JARID2: variants seen among roughly 807,000 people sequenced by gnomAD.
The protein encoded by JARID2 is jumonji and AT-rich interaction domain containing 2, also known as protein Jumonji.
A neutral mutation model predicts 125.6 loss-of-function variants in JARID2; 21 were observed. The ratio of observed to expected loss-of-function variants is 0.17; its 90% CI spans 0.12 to 0.24. JARID2 has a LOEUF of 0.24. Among genes scored for constraint, JARID2 ranks in the 10% least tolerant of loss-of-function variants. JARID2 has a pLI of 1.00. For synonymous variants in JARID2, 736 were observed against 661.6 expected (o/e 1.11, Z -1.73); for missense variants, 1,303 against 1,639.6 (o/e 0.79, Z 3.55).
At chr6:15,387,657 A>G (rs569067015) in intron 2 of JARID2, among the ~76,000 whole-genome samples, 2 of 152,316 alleles carry the variant, frequency 1.3e-5, no homozygotes, top group African/African-American at 4.8e-5. Context: ...TGTAGATTAA[A>G]TTAAACTCCA....
intron 3 of JARID2, among the ~76,000 whole-genome samples, chr6:15,438,021 A>G (rs1047245219): frequency 2.0e-5 from 3 of 152,150 alleles, no homozygotes; most frequent in African/African-American, 7.2e-5. Flanking sequence ...ACACAGGTTT[A>G]ATGTCTTGGG....
At chr6:15,395,789 C>T (rs772436654) in intron 2 of JARID2, among the ~76,000 whole-genome samples, 8 of 151,814 alleles carry the variant, frequency 5.3e-5, no homozygotes, top group South Asian at 2.1e-4. Flanking sequence ...CTCAGCCTCC[C>T]GAGTAGCTGG....
At chr6:15,382,786 G>C (rs1457511306) in intron 2 of JARID2, among the ~76,000 whole-genome samples, 3 of 152,218 alleles carry the variant, frequency 2.0e-5, no homozygotes, top group Non-Finnish European at 2.9e-5. Context: ...GAATGGAGGT[G>C]CCTGAGGAGG....
In JARID2 at chr6:15,487,514, A is replaced by G. The variant is rs1581632969; in HGVS notation, c.878A>G (p.His293Arg). The change falls in exon 6 of 18, where the codon CAT becomes CGT. Residue 293 changes from histidine (H) to arginine (R), a missense_variant. Physicochemically the swap from His to Arg is conservative, Grantham distance 29. This residue lies in a region of JARID2 where 651 missense variants were observed against 581.6 expected (regional missense o/e 1.12). Transcript: ENST00000341776. ...LAATHHHPPL[H>R]RSAQDLRKQV... is the part of the protein sequence containing the mutation. ...GCCACCCATCACCACCCCCCTCTGC[A>G]TCGGTCGGCTCAGGACTTACGGAAA... The G allele has an allele frequency of 6.2e-7, 1 of 1,613,588 alleles. No individual in the cohort carries two copies. Among genetic ancestry groups the G allele is most frequent in the Non-Finnish European group, 8.5e-7 (1 of 1,179,668 alleles).
intron 1 of JARID2, chr6:15,248,921 C>T: frequency 4.1e-6 from 4 of 985,806 alleles, no homozygotes; most frequent in Non-Finnish European, 3.6e-6. Flanking sequence ...GGAAGATGCG[C>T]TCGGCCTCTG....
At position 15,267,254 on chromosome 6, in the gene JARID2, A is replaced by G. The variant is rs112917988; in HGVS notation, c.45+20670A>G. 6.9e-3 allele frequency among the ~76,000 whole-genome samples: 1,050 copies of G among 152,320 alleles called. 5 individuals carry two copies. Among genetic ancestry groups the G allele is most frequent in the Non-Finnish European group, 0.012 (822 of 68,032 alleles). ...TCTCCTAAACTATTCTCCCACTCCC[A>G]TGAAAAAGAAAATCTTAAAGCGGCT... On this transcript the variant is annotated intron_variant, in intron 1 of 17. Coordinates refer to ENST00000341776, the MANE Select transcript of JARID2 (RefSeq NM_004973.4).
chr6:15,296,759 T>C (rs1761431742), intron 1 of JARID2, among the ~76,000 whole-genome samples: 1 of 152,238 alleles, frequency 6.6e-6, no homozygotes, highest in African/African-American at 2.4e-5. Context: ...CTCTGAGCTC[T>C]TACTTCCTGA....
chr6:15,520,000 A>G (rs1581679966), intron 17 of JARID2, 69 bp from the exon 18 acceptor site: 21 of 1,385,138 alleles, frequency 1.5e-5, no homozygotes, highest in East Asian at 7.8e-5. Flanking sequence ...TTGCCCCTGC[A>G]TGGCTCTCAG....
At chr6:15,462,117 T>C (rs1046535370) in intron 4 of JARID2, among the ~76,000 whole-genome samples, 2 of 152,188 alleles carry the variant, frequency 1.3e-5, no homozygotes, top group Non-Finnish European at 2.9e-5. Context: ...TTTAGGGCAA[T>C]TGATAGTAAT....
rs10712805 is a variant in JARID2 at position 15,247,423 on chromosome 6, CTTTTT to C, written c.45+849_45+853del. The C allele has an allele frequency of 4.3e-5, 38 of 880,244 alleles. No individual in the cohort carries two copies. In the Admixed American group the frequency reaches 7.1e-4, roughly 16 times the overall value. 54.5% of individuals were successfully genotyped at this position (880,244 alleles called of 1,614,324 possible). Reference sequence around the variant, plus strand: ...AGTGTTTTTGTTTTGTGTGTGGTGGCTTTTTTTTTTTTTTAAGTTTGAGGGGAGGG... The same window carrying C: ...AGTGTTTTTGTTTTGTGTGTGGTGGCTTTTTTTTTAAGTTTGAGGGGAGGG... On this transcript the variant is annotated intron_variant, in intron 1 of 17. Coordinates refer to ENST00000341776, the MANE Select transcript of JARID2 (RefSeq NM_004973.4).
At chr6:15,444,895 TC>T (rs1767607988) in intron 3 of JARID2, among the ~76,000 whole-genome samples, 1 of 151,950 alleles carries the variant, frequency 6.6e-6, no homozygotes, top group African/African-American at 2.4e-5. Flanking sequence ...GGCATGTACT[TC>T]CCTCAGCAAG....
intron 1 of JARID2, among the ~76,000 whole-genome samples, chr6:15,333,153 TG>T: frequency 6.6e-6 from 1 of 152,082 alleles, no homozygotes; most frequent in Non-Finnish European, 1.5e-5. Flanking sequence ...AGGATGGTCT[TG>T]ATCTCCTGAC....
intron 1 of JARID2, among the ~76,000 whole-genome samples, chr6:15,254,826 G>C (rs1759595337): frequency 6.6e-6 from 1 of 152,020 alleles, no homozygotes; most frequent in African/African-American, 2.4e-5. Context: ...GATCACTTCA[G>C]GTCAGGAGTT....
At chr6:15,298,229 C>A (rs1167213454) in intron 1 of JARID2, among the ~76,000 whole-genome samples, 2 of 152,170 alleles carry the variant, frequency 1.3e-5, no homozygotes, top group African/African-American at 2.4e-5. Context: ...CTTCTGGATT[C>A]CGCTCTCCTA....
rs1021167582 is a variant in JARID2, at chr6:15,443,212, G to A, written c.324-8794G>A. On this transcript the variant is annotated intron_variant, in intron 3 of 17. Transcript: ENST00000341776. ...GTGGTGGTGATGTTTGGATTTGCAA[G>A]GCTTGCCTTGTCCTTGGGCTGGCTT... 2.0e-5 allele frequency among the ~76,000 whole-genome samples: 3 copies of A among 152,154 alleles called. No homozygotes were observed. The East Asian group carries it at 5.8e-4, about 29-fold the overall frequency.
chr6:15,336,355 A>G (rs561989455), intron 1 of JARID2, among the ~76,000 whole-genome samples: 1 of 152,374 alleles, frequency 6.6e-6, no homozygotes, highest in South Asian at 2.1e-4. Context: ...AAAAATAGGA[A>G]CCTAAGATTA....
chr6:15,418,216 CTTTTTTTTT>C (rs56801667), intron 3 of JARID2, among the ~76,000 whole-genome samples: 4 of 117,800 alleles, frequency 3.4e-5, no homozygotes, highest in Non-Finnish European at 5.1e-5. Context: ...CTATATTCCT[CTTTTTTTTT>C]TTTTTTTTTT....
intron 3 of JARID2, among the ~76,000 whole-genome samples, chr6:15,434,481 C>G (rs1767118578): frequency 6.6e-6 from 1 of 152,116 alleles, no homozygotes; most frequent in Non-Finnish European, 1.5e-5. Context: ...ATTTTAACCA[C>G]TGTGAAATGT....
chr6:15,315,984 AG>A (rs1233482181), intron 1 of JARID2, among the ~76,000 whole-genome samples: 1 of 152,120 alleles, frequency 6.6e-6, no homozygotes, highest in Non-Finnish European at 1.5e-5. Context: ...AAGATTAGAA[AG>A]AACACAGTTT....
Sources: gnomAD v4.1 joint callset for allele counts (sites outside exome capture counted in the v4.1 genomes callset) on GRCh38, gnomAD v4.1.1 for gene constraint, gnomAD v4.1.1 regional missense constraint, MANE v1.5 for transcripts, NCBI Gene and HGNC (gene_info 2026-07-23, HGNC 2026-07-21) for gene names.